PLPPR1: variants seen among roughly 807,000 people sequenced by gnomAD.
PLPPR1 encodes phospholipid phosphatase-related protein type 1.
In PLPPR1, 10 loss-of-function variants were observed where a neutral mutation model predicts 33.1. The observed-to-expected ratio is 0.30, with a 90% confidence interval of 0.19 to 0.51. PLPPR1 has a LOEUF of 0.51. Ranked by LOEUF, PLPPR1 falls within the 20% of genes least tolerant of loss-of-function variation. PLPPR1 has a pLI of 0.97. For missense variants in PLPPR1, 304 were observed against 408.1 expected (o/e 0.74, Z 2.20); for synonymous variants, 151 against 151.0 (o/e 1.00, Z 0.00).
At chr9:101,220,613 T>G (rs184047451) in intron 2 of PLPPR1, among the ~76,000 whole-genome samples, 1 of 152,222 alleles carries the variant, frequency 6.6e-6, no homozygotes. Flanking sequence ...CCCCTTGGCC[T>G]AGCAGCTCTA....
intron 3 of PLPPR1, among the ~76,000 whole-genome samples, chr9:101,275,570 T>C (rs921997819): frequency 6.6e-6 from 1 of 152,186 alleles, no homozygotes; most frequent in African/African-American, 2.4e-5. Flanking sequence ...GGGTATGTTC[T>C]GACCACCTGG....
chr9:101,251,291 A>G (rs1448685412), intron 2 of PLPPR1, among the ~76,000 whole-genome samples: 1 of 152,072 alleles, frequency 6.6e-6, no homozygotes, highest in African/African-American at 2.4e-5. Flanking sequence ...TTATTTTCAC[A>G]GTAGTTTAAA....
intron 1 of PLPPR1, among the ~76,000 whole-genome samples, chr9:101,161,691 CA>C (rs1050727636): frequency 1.3e-5 from 2 of 152,016 alleles, no homozygotes; most frequent in African/African-American, 4.8e-5. Flanking sequence ...AAAATAAAGA[CA>C]AAAGAGTGTC....
chr9:101,107,943 C>T (rs967526580), intron 1 of PLPPR1, among the ~76,000 whole-genome samples: 2 of 150,760 alleles, frequency 1.3e-5, no homozygotes, highest in African/African-American at 2.5e-5. Flanking sequence ...TTCTTTGACT[C>T]GGAAAGGGAA....
At chr9:101,174,703 A>G (rs1825994245) in intron 1 of PLPPR1, among the ~76,000 whole-genome samples, 1 of 152,196 alleles carries the variant, frequency 6.6e-6, no homozygotes, top group African/African-American at 2.4e-5. Flanking sequence ...GAATGATTAT[A>G]TTTCTCATAA....
At position 101,275,385 on chromosome 9, in the gene PLPPR1, T is replaced by C. The variant is rs28559908; in HGVS notation, c.252+5317T>C. Among the ~76,000 whole-genome samples, 569 of 152,350 alleles carry C rather than the reference T, an allele frequency of 3.7e-3. 4 individuals are homozygous for C. Among genetic ancestry groups the C allele is most frequent in the African/African-American group, 0.013 (544 of 41,582 alleles). On this transcript the variant is annotated intron_variant, in intron 3 of 7. Coordinates refer to ENST00000374874, the MANE Select transcript of PLPPR1 (RefSeq NM_207299.2). The stretch of plus-strand genomic sequence containing the variant: ...AACCTGTCATTTCCTATTTCTCCTT[T>C]TGTGCTTTGCTGTCAGAAAAGATCA...
Position 101,309,212 on chromosome 9 carries a change from G to A in PLPPR1, c.387G>A (p.Gly129=). The A allele has an allele frequency of 1.2e-6, 2 of 1,614,024 alleles. No homozygotes were observed. The highest frequency in any genetic ancestry group is 1.7e-6 in the Non-Finnish European group (2 of 1,179,970). The change falls in exon 5 of 8, where the codon GGG becomes GGA. Residue 129 remains glycine, a splice_region_variant and synonymous_variant. Coordinates refer to ENST00000374874, the MANE Select transcript of PLPPR1 (RefSeq NM_207299.2). ...PLLRRIIRFT[G]VFAFGLFATD... ...TAATGATTTTAAATCTTCTTATAGG[G>A]GTGTTTGCATTTGGACTTTTTGCTA...
chr9:101,237,896 C>G (rs1219539282), intron 2 of PLPPR1, among the ~76,000 whole-genome samples: 2 of 131,848 alleles, frequency 1.5e-5, no homozygotes, highest in East Asian at 4.7e-4. Context: ...ACACACATTT[C>G]TCTGATTTAA....
rs1829071769 is a variant in PLPPR1 at position 101,317,246 on chromosome 9, T to C, written c.814-119T>C. On this transcript the variant is annotated intron_variant, in intron 6 of 7. Coordinates refer to ENST00000374874, the MANE Select transcript of PLPPR1 (RefSeq NM_207299.2). ...CTTCCCATAGTCCCTTTCCCCTCTC[T>C]CAAAGGAAAAAGGTCACTCTGGTGA... 3.7e-6 allele frequency: 4 copies of C among 1,086,612 alleles called. 1 individual carries two copies. The South Asian group carries it at 6.3e-5, about 17-fold the overall frequency. The allele number at this position is 1,086,612 out of a possible 1,614,324, so 67.3% of individuals were successfully genotyped here.
chr9:101,092,669 C>T (rs1015013446), intron 1 of PLPPR1, among the ~76,000 whole-genome samples: 9 of 152,122 alleles, frequency 5.9e-5, no homozygotes, highest in Non-Finnish European at 1.3e-4. Context: ...CCATGCTTAT[C>T]CTCCAGATCT....
chr9:101,317,513 T>C lies in PLPPR1; in HGVS notation c.945+17T>C, dbSNP rs1829080334. On this transcript the variant is annotated intron_variant, in intron 7 of 7. Coordinates refer to ENST00000374874, the MANE Select transcript of PLPPR1 (RefSeq NM_207299.2). ...AGTGCACAGGTATGGTAAAGCAGTT[T>C]TAGCAAACCAAACCCACAGGCTGAA... 2 of 1,609,022 alleles carry C rather than the reference T, an allele frequency of 1.2e-6. No homozygotes were observed. Among genetic ancestry groups the C allele is most frequent in the Non-Finnish European group, 1.7e-6 (2 of 1,178,306 alleles).
chr9:101,214,200 G>T (rs1421976941), intron 2 of PLPPR1, among the ~76,000 whole-genome samples: 1 of 152,186 alleles, frequency 6.6e-6, no homozygotes, highest in African/African-American at 2.4e-5. Context: ...GTCCATTCAA[G>T]AATCAATCAC....
intron 5 of PLPPR1, among the ~76,000 whole-genome samples, chr9:101,310,844 T>C (rs1299375785): frequency 3.3e-5 from 5 of 152,180 alleles, no homozygotes; most frequent in South Asian, 2.1e-4. Flanking sequence ...AAAAAAGGAC[T>C]TCAGCTGTCC....
intron 1 of PLPPR1, among the ~76,000 whole-genome samples, chr9:101,108,247 G>A (rs1831003645): frequency 6.6e-6 from 1 of 152,162 alleles, no homozygotes. Context: ...AATCATGTTT[G>A]TTAAAAGAGA....
intron 1 of PLPPR1, among the ~76,000 whole-genome samples, chr9:101,158,821 G>A (rs1258231659): frequency 6.6e-6 from 1 of 151,320 alleles, no homozygotes; most frequent in Non-Finnish European, 1.5e-5. Flanking sequence ...TGCAGATACT[G>A]CACAGCTGGG....
intron 6 of PLPPR1, among the ~76,000 whole-genome samples, chr9:101,314,433 A>G (rs1829015381): frequency 6.6e-6 from 1 of 152,222 alleles, no homozygotes. Context: ...CTTCTTTCTA[A>G]TTCAAAATGA....
At chr9:101,130,568 G>A (rs1831302415) in intron 1 of PLPPR1, among the ~76,000 whole-genome samples, 1 of 152,134 alleles carries the variant, frequency 6.6e-6, no homozygotes, top group Admixed American at 6.6e-5. Context: ...TGTGAGACTG[G>A]CACAAATTTA....
chr9:101,043,369 A>G (rs1232801539), intron 1 of PLPPR1, among the ~76,000 whole-genome samples: 2 of 151,532 alleles, frequency 1.3e-5, no homozygotes, highest in South Asian at 2.1e-4. Context: ...ATGTATATAC[A>G]TATGTATATA....
At chr9:101,071,605 GGAGAGA>G (rs3080736) in intron 1 of PLPPR1, among the ~76,000 whole-genome samples, 7 of 149,014 alleles carry the variant, frequency 4.7e-5, no homozygotes, top group African/African-American at 9.9e-5. Flanking sequence ...GGAGTGAGAA[GGAGAGA>G]GAGAGAGAGA....
Sources: gnomAD v4.1 joint callset for allele counts (sites outside exome capture counted in the v4.1 genomes callset) on GRCh38, gnomAD v4.1.1 for gene constraint, MANE v1.5 for transcripts, NCBI Gene and HGNC (gene_info 2026-07-23, HGNC 2026-07-21) for gene names.